The following GPX5 variants were observed in gnomAD, a reference collection of about 807,000 sequenced individuals.
GPX5 encodes epididymal secretory glutathione peroxidase.
Under a neutral mutation model 23.8 loss-of-function variants are expected in GPX5, and 20 were observed. The observed-to-expected ratio is 0.84, with a 90% confidence interval of 0.59 to 1.22. The LOEUF (loss-of-function observed/expected upper bound fraction) is 1.22. GPX5 is among the 50% of genes most tolerant of loss of function. GPX5 has a pLI of 0.00. For missense variants in GPX5, 230 were observed against 266.6 expected, an observed-to-expected ratio of 0.86 and a Z score of 0.96; for synonymous variants, 92 against 99.5, an observed-to-expected ratio of 0.92 and a Z score of 0.45.
rs1316199602 is a variant in GPX5, at chr6:28,532,323, A to C, written c.362A>C (p.Tyr121Ser). ...GGGAACATTATGGCTTGTTGCAGGT[A>C]TGTCCGTCCAGGGGGAGGATTTGTA... The part of the protein sequence containing the change: ...DNKEILPGLK[Y>S]VRPGGGFVPS... Residue 121 changes from tyrosine (Y) to serine (S), a missense_variant and splice_region_variant, in exon 4 of 5, where the codon TAT becomes TCT. Transcript: ENST00000412168. The C allele has an allele frequency of 6.4e-7, 1 of 1,558,646 alleles. No homozygotes were observed. Among genetic ancestry groups the C allele is most frequent in the Admixed American group, 2.1e-5 (1 of 47,964 alleles).
rs1562009668 is a variant in GPX5 at position 28,529,600 on chromosome 6, TC to T, written c.239del (p.Pro80LeufsTer3). On this transcript the variant is annotated frameshift_variant, in exon 2 of 5. Coordinates refer to ENST00000412168, the MANE Select transcript of GPX5 (RefSeq NM_001509.3). LOFTEE classifies it high-confidence loss of function. Reference protein sequence around the residue: ...ATYCGLTAQYPELNALQEELK... With the variant: ...ATYCGLTAQYXELNALQEELK... ...CCTACTGTGGTCTGACAGCGCAATA[TC>T]CTGGTAAGAGAATTCATAGTTACTT... is the stretch of plus-strand genomic sequence containing the variant. 2 of 1,603,732 alleles carry T rather than the reference TC, an allele frequency of 1.2e-6. No individual in the cohort carries two copies. The highest frequency in any genetic ancestry group is 1.7e-6 in the Non-Finnish European group (2 of 1,174,336).
At position 28,528,813 on chromosome 6, in the gene GPX5, GTATATATATATA is replaced by G. The variant is rs70983945; in HGVS notation, c.88-582_88-571del. On this transcript the variant is annotated intron_variant, in intron 1 of 4. Transcript: ENST00000412168. ...TATATGTGTATATATATATATGTGT[GTATATATATATA>G]TATATATATATATATATATATATAT... Among the ~76,000 whole-genome samples, 14 of 95,710 alleles carry G rather than the reference GTATATATATATA, an allele frequency of 1.5e-4. No individual in the cohort carries two copies. In the South Asian group the frequency reaches 4.0e-3, roughly 28 times the overall value. The allele number at this position is 95,710 out of a possible 152,430, so 62.8% of individuals were successfully genotyped here.
At position 28,534,021 on chromosome 6, in the gene GPX5, G is replaced by A. The variant is rs1247788389; in HGVS notation, c.520G>A (p.Val174Ile). The change falls in exon 5 of 5, where the codon GTA becomes ATA. Residue 174 changes from valine to isoleucine, a missense_variant. By Grantham distance (29) the Val-to-Ile change is conservative. Coordinates refer to ENST00000412168, the MANE Select transcript of GPX5 (RefSeq NM_001509.3). Reference sequence around the variant, plus strand: ...ATTCAAATCTATATCCTGGGACCCTGTAAAGGTCCATGACATCCGTTGGAA... The same window carrying A: ...ATTCAAATCTATATCCTGGGACCCTATAAAGGTCCATGACATCCGTTGGAA... ...GTFKSISWDP[V>I]KVHDIRWNFE... 5 of 1,610,580 alleles carry A rather than the reference G, an allele frequency of 3.1e-6. No homozygotes were observed. Among genetic ancestry groups the A allele is most frequent in the Non-Finnish European group, 4.2e-6 (5 of 1,178,364 alleles).
At chr6:28,527,287 A>C (rs1053155886) in intron 1 of GPX5, among the ~76,000 whole-genome samples, 2 of 152,204 alleles carry the variant, frequency 1.3e-5, no homozygotes, top group Non-Finnish European at 2.9e-5. Context: ...CAAATGTTTA[A>C]CTTGAAACTA....
chr6:28,531,294 C>A (rs1395218572), intron 2 of GPX5, among the ~76,000 whole-genome samples: 1 of 143,522 alleles, frequency 7.0e-6, no homozygotes, highest in East Asian at 2.1e-4. Context: ...TCACTTGGAT[C>A]TGGGAGACGG....
At chr6:28,526,178 A>G in intron 1 of GPX5, 78 bp downstream of exon 1, 1 of 1,055,164 alleles carries the variant, frequency 9.5e-7, no homozygotes, top group Non-Finnish European at 1.5e-6. Flanking sequence ...CCTTCTTGTA[A>G]GACTCCAACT....
chr6:28,534,168 G>A lies in GPX5; in HGVS notation c.*1G>A, dbSNP rs1245399989. 1.9e-6 allele frequency: 3 copies of A among 1,572,244 alleles called. No homozygotes were observed. Among genetic ancestry groups the A allele is most frequent in the African/African-American group, 2.7e-5 (2 of 73,474 alleles). The stretch of plus-strand genomic sequence containing the variant: ...CTTGAAGCAATTCAAAACCAAATAG[G>A]AAGGTGGAGTTAAGGGCAGGAGCAA... On this transcript the variant is annotated 3_prime_UTR_variant, in exon 5 of 5. Coordinates refer to ENST00000412168, the MANE Select transcript of GPX5 (RefSeq NM_001509.3).
intron 1 of GPX5, among the ~76,000 whole-genome samples, chr6:28,526,422 T>C (rs1357839267): frequency 6.6e-6 from 1 of 152,138 alleles, no homozygotes; most frequent in Non-Finnish European, 1.5e-5. Context: ...GGGACAGCGA[T>C]GGGCTTTAGA....
intron 2 of GPX5, among the ~76,000 whole-genome samples, chr6:28,531,484 A>C (rs747586225): frequency 6.6e-6 from 1 of 152,150 alleles, no homozygotes; most frequent in Non-Finnish European, 1.5e-5. Flanking sequence ...TCAGAGGAAC[A>C]GAAAACTCTC....
chr6:28,532,304 AT>A lies in GPX5; in HGVS notation c.360-15del. The A allele has an allele frequency of 6.7e-7, 1 of 1,492,474 alleles. No individual in the cohort carries two copies. The highest frequency in any genetic ancestry group is 9.1e-7 in the Non-Finnish European group (1 of 1,104,034). 92.5% of individuals were successfully genotyped at this position (1,492,474 alleles called of 1,614,324 possible). A position where few individuals can be genotyped will look rare whatever the true frequency, so the allele number is the denominator to read the frequency against. On this transcript the variant is annotated splice_polypyrimidine_tract_variant and intron_variant, in intron 3 of 4. Transcript: ENST00000412168. ...GCATATCCTGGAGCTTCCTGGGAACATTATGGCTTGTTGCAGGTATGTCCGT... is the reference window on the plus strand; with the variant it reads ...GCATATCCTGGAGCTTCCTGGGAACATATGGCTTGTTGCAGGTATGTCCGT...
chr6:28,530,470 T>C (rs941046062), intron 2 of GPX5, among the ~76,000 whole-genome samples: 1 of 152,306 alleles, frequency 6.6e-6, no homozygotes, highest in Middle Eastern at 3.4e-3. Flanking sequence ...AAAAAAACTT[T>C]AGAACCAAAG....
Position 28,526,086 on chromosome 6 carries a change from C to A in GPX5, c.73C>A (p.Gln25Lys), listed in dbSNP as rs1266962673. ...CTGCTTTGTGCAAACAAGTCCCAAG[C>A]AGGAGAAGATGAAGGTGAGTGAGCT... Reference protein sequence around the residue: ...LACFVQTSPKQEKMKMDCHKD... With the variant: ...LACFVQTSPKKEKMKMDCHKD... The change falls in exon 1 of 5, where the codon CAG becomes AAG. Residue 25 changes from glutamine (Q) to lysine (K), a missense_variant. Transcript: ENST00000412168. The A allele has an allele frequency of 6.2e-7, 1 of 1,612,676 alleles. No homozygotes were observed. Among genetic ancestry groups the A allele is most frequent in the South Asian group, 1.1e-5 (1 of 91,018 alleles).
At chr6:28,531,370 C>CAAAAA (rs1193939654) in intron 2 of GPX5, among the ~76,000 whole-genome samples, 163 of 49,642 alleles carry the variant, frequency 3.3e-3, no homozygotes, top group East Asian at 8.0e-3. Context: ...GAATCTGTCT[C>CAAAAA]AAAAAAAAAA....
chr6:28,531,230 G>T (rs1180446920), intron 2 of GPX5, among the ~76,000 whole-genome samples: 1 of 151,690 alleles, frequency 6.6e-6, no homozygotes, highest in African/African-American at 2.4e-5. Flanking sequence ...TATTAGCTGG[G>T]CATGGTAGCA....
In GPX5 at chr6:28,531,898, A is replaced by G. The variant is rs1027120778; in HGVS notation, c.359+3A>G. On this transcript the variant is annotated splice_donor_region_variant and intron_variant, in intron 3 of 4. Transcript: ENST00000412168. ...AAAGAGATTCTTCCTGGGCTCAAGT[A>G]CGTGTCTTCTTGAAATCCAATAGGA... 3 of 1,599,432 alleles carry G rather than the reference A, an allele frequency of 1.9e-6. No individual in the cohort carries two copies. Among genetic ancestry groups the G allele is most frequent in the Non-Finnish European group, 2.6e-6 (3 of 1,166,990 alleles).
At chr6:28,529,426 T>C in intron 1 of GPX5, 25 bp from the exon 2 acceptor site, 1 of 1,587,400 alleles carries the variant, frequency 6.3e-7, no homozygotes, top group African/African-American at 1.3e-5. Flanking sequence ...GTTACCAGTA[T>C]TATCACTTAA....
chr6:28,534,235 A>G lies in GPX5; in HGVS notation c.*68A>G, dbSNP rs1763383422. 2.6e-6 allele frequency: 3 copies of G among 1,152,418 alleles called. No individual in the cohort carries two copies. Among genetic ancestry groups the G allele is most frequent in the Non-Finnish European group, 3.6e-6 (3 of 826,992 alleles). The allele number at this position is 1,152,418 out of a possible 1,614,324, so 71.4% of individuals were successfully genotyped here. A position where few individuals can be genotyped will look rare whatever the true frequency, so the allele number is the denominator to read the frequency against. On this transcript the variant is annotated 3_prime_UTR_variant, in exon 5 of 5. Coordinates refer to ENST00000412168, the MANE Select transcript of GPX5 (RefSeq NM_001509.3). ...ATGACTTGCTCTCCCCACCCCTCCA[A>G]AAAAAAGGAATACCCATCTTCTCAC...
chr6:28,534,082 C>A lies in GPX5; in HGVS notation c.581C>A (p.Pro194His). 1 of 1,612,306 alleles carries A rather than the reference C, an allele frequency of 6.2e-7. No individual in the cohort carries two copies. The highest frequency in any genetic ancestry group is 8.5e-7 in the Non-Finnish European group (1 of 1,179,324). Residue 194 changes from proline to histidine, a missense_variant, in exon 5 of 5, where the codon CCT (proline) becomes CAT (histidine). Pro to His is a moderately conservative substitution (Grantham distance 77). Transcript: ENST00000412168. ...TTCCTGGTGGGGCCTGATGGAATCC[C>A]TGTCATGCGCTGGTCCCACCGGGCT... ...EKFLVGPDGIPVMRWSHRATV... is the reference protein window; with the variant it reads ...EKFLVGPDGIHVMRWSHRATV...
chr6:28,529,549 G>GCA lies in GPX5; in HGVS notation c.189_190dup (p.Ile64ThrfsTer13), dbSNP rs757650210. 1.2e-4 allele frequency: 187 copies of GCA among 1,612,790 alleles called. No homozygotes were observed. The highest frequency in any genetic ancestry group is 1.5e-4 in the Non-Finnish European group (179 of 1,179,150). ...TTTCCTTCAAGCAGTATGTGGGCAAGCACATCCTCTTCGTCAACGTGGCCA... is the reference window on the plus strand; with the variant it reads ...TTTCCTTCAAGCAGTATGTGGGCAAGCACACATCCTCTTCGTCAACGTGGCCA... On this transcript the variant is annotated frameshift_variant, in exon 2 of 5. Coordinates refer to ENST00000412168, the MANE Select transcript of GPX5 (RefSeq NM_001509.3). LOFTEE classifies it high-confidence loss of function.
Sources: gnomAD v4.1 joint callset for allele counts (sites outside exome capture counted in the v4.1 genomes callset) on GRCh38, gnomAD v4.1.1 for gene constraint, MANE v1.5 for transcripts, NCBI Gene and HGNC (gene_info 2026-07-23, HGNC 2026-07-21) for gene names.